The following GRIK1 variants were observed in gnomAD, a reference collection of about 807,000 sequenced individuals.
GRIK1 encodes glutamate receptor ionotropic, kainate 1.
Under a neutral mutation model 105.7 loss-of-function variants are expected in GRIK1, and 69 were observed. That is an observed-to-expected ratio of 0.65 (90% CI 0.54 to 0.80). GRIK1 has a LOEUF of 0.80. Among genes scored for constraint, GRIK1 ranks in the 30% least tolerant of loss-of-function variants. The probability of loss-of-function intolerance (pLI) is 0.00; values close to 1 mark genes in which losing one functional copy is unlikely to be tolerated. For synonymous variants in GRIK1, 438 were observed against 431.3 expected (o/e 1.02, Z -0.19); for missense variants, 1,109 against 1,167.3 (o/e 0.95, Z 0.73).
At chr21:29,774,613 G>A (rs1227587788) in intron 1 of GRIK1, among the ~76,000 whole-genome samples, 3 of 151,984 alleles carry the variant, frequency 2.0e-5, no homozygotes, top group Non-Finnish European at 4.4e-5. Flanking sequence ...TACCATGACT[G>A]GCTAATTTTT....
At chr21:29,680,496 A>G (rs2063350910) in intron 3 of GRIK1, among the ~76,000 whole-genome samples, 1 of 152,224 alleles carries the variant, frequency 6.6e-6, no homozygotes, top group African/African-American at 2.4e-5. Context: ...TGTAGAGTGT[A>G]CAGTGATTCT....
intron 1 of GRIK1, among the ~76,000 whole-genome samples, chr21:29,741,655 A>T (rs1252642559): frequency 6.6e-6 from 1 of 152,212 alleles, no homozygotes; most frequent in Non-Finnish European, 1.5e-5. Flanking sequence ...ATACATCTTG[A>T]TATATGAATT....
chr21:29,930,612 T>C lies in GRIK1; in HGVS notation c.118+8771A>G, dbSNP rs558732974. 9.2e-4 allele frequency among the ~76,000 whole-genome samples: 140 copies of C among 152,336 alleles called. 1 individual carries two copies. Among genetic ancestry groups the C allele is most frequent in the Non-Finnish European group, 1.5e-3 (103 of 68,024 alleles). On this transcript the variant is annotated intron_variant, in intron 1 of 17. Coordinates refer to ENST00000327783, the MANE Select transcript of GRIK1 (RefSeq NM_001330994.2). Reference sequence around the variant, plus strand: ...TCAGCACTTAAAGCATCTGACAGAATGTTACAATGCTTGCATCAATATTCA... The same window carrying C: ...TCAGCACTTAAAGCATCTGACAGAACGTTACAATGCTTGCATCAATATTCA...
At chr21:29,630,949 T>G (rs902102684) in intron 7 of GRIK1, among the ~76,000 whole-genome samples, 3 of 151,902 alleles carry the variant, frequency 2.0e-5, no homozygotes. Context: ...CATGCACTAC[T>G]ATGCCCAGCT....
chr21:29,921,002 T>C (rs1225069525), intron 1 of GRIK1, among the ~76,000 whole-genome samples: 2 of 152,114 alleles, frequency 1.3e-5, no homozygotes, highest in South Asian at 2.1e-4. Context: ...TAGGTTTGTG[T>C]TCATAATCTC....
chr21:29,706,895 C>T (rs751610034), intron 1 of GRIK1, among the ~76,000 whole-genome samples: 7 of 152,076 alleles, frequency 4.6e-5, no homozygotes, highest in Non-Finnish European at 8.8e-5. Context: ...GGCGGAGTCT[C>T]GCTCTGTTGC....
In GRIK1 at chr21:29,627,091, G is replaced by C. The variant is rs1422471964; in HGVS notation, c.1098+15735C>G. Among the ~76,000 whole-genome samples the C allele has an allele frequency of 2.0e-5, 3 of 152,298 alleles. No individual in the cohort carries two copies. In the East Asian group the frequency reaches 5.8e-4, roughly 29 times the overall value. On this transcript the variant is annotated intron_variant, in intron 7 of 17. Transcript: ENST00000327783. ...CTGTAGAGGACTACTTGTTACCTCTGTAGCATAGTTTATCAGGTTCTTGTA... is the reference window on the plus strand; with the variant it reads ...CTGTAGAGGACTACTTGTTACCTCTCTAGCATAGTTTATCAGGTTCTTGTA...
chr21:29,789,005 G>C (rs1374713532), intron 1 of GRIK1, among the ~76,000 whole-genome samples: 1 of 152,182 alleles, frequency 6.6e-6, no homozygotes, highest in East Asian at 1.9e-4. Context: ...CCATTGGTTG[G>C]GGACCTCTGT....
In GRIK1 at chr21:29,651,651, G is replaced by A. The variant is rs934005296; in HGVS notation, c.781-360C>T. ...TGTCTCAGTTATGAGGTAGAGTATC[G>A]TGGTATGGAAGTGCTTTGTTAAGTC... On this transcript the variant is annotated intron_variant, in intron 5 of 17. Coordinates refer to ENST00000327783, the MANE Select transcript of GRIK1 (RefSeq NM_001330994.2). 2.0e-5 allele frequency among the ~76,000 whole-genome samples: 3 copies of A among 152,154 alleles called. No individual in the cohort carries two copies. The South Asian group carries it at 6.3e-4, about 32-fold the overall frequency.
At chr21:29,815,489 T>A (rs2067131057) in intron 1 of GRIK1, among the ~76,000 whole-genome samples, 1 of 152,152 alleles carries the variant, frequency 6.6e-6, no homozygotes, top group African/African-American at 2.4e-5. Flanking sequence ...GGCAGGATAC[T>A]GGGAGTGGGG....
Position 29,736,834 on chromosome 21 carries a change from T to C in GRIK1, c.119-42771A>G, listed in dbSNP as rs148860553. Among the ~76,000 whole-genome samples the C allele has an allele frequency of 3.0e-3, 456 of 151,726 alleles. 1 individual carries two copies. The highest frequency in any genetic ancestry group is 0.01 in the African/African-American group (431 of 41,390). ...CTGGGATTACAGGCGCCCACCACCA[T>C]GGCTGACTGATTTTTGTATTTTTTA... On this transcript the variant is annotated intron_variant, in intron 1 of 17. Coordinates refer to ENST00000327783, the MANE Select transcript of GRIK1 (RefSeq NM_001330994.2).
intron 1 of GRIK1, among the ~76,000 whole-genome samples, chr21:29,836,105 G>T (rs745983014): frequency 1.3e-5 from 2 of 152,188 alleles, no homozygotes; most frequent in Non-Finnish European, 2.9e-5. Context: ...ATTTCAGTCG[G>T]TCAGTGCACT....
chr21:29,897,991 T>A (rs749037222), intron 1 of GRIK1, among the ~76,000 whole-genome samples: 33 of 152,170 alleles, frequency 2.2e-4, no homozygotes, highest in Non-Finnish European at 3.8e-4. Flanking sequence ...GGAAACATGA[T>A]CAGAAGGATT....
chr21:29,695,058 C>G (rs2063668579), intron 1 of GRIK1, among the ~76,000 whole-genome samples: 1 of 151,940 alleles, frequency 6.6e-6, no homozygotes, highest in South Asian at 2.1e-4. Context: ...GAAATATGTC[C>G]CTTCACTGAG....
intron 1 of GRIK1, among the ~76,000 whole-genome samples, chr21:29,882,155 G>A (rs1451584083): frequency 6.6e-6 from 1 of 152,072 alleles, no homozygotes; most frequent in African/African-American, 2.4e-5. Context: ...GGCATTTGTT[G>A]TCCGTTTAGG....
chr21:29,796,915 C>T (rs952654071), intron 1 of GRIK1, among the ~76,000 whole-genome samples: 1 of 151,960 alleles, frequency 6.6e-6, no homozygotes, highest in Non-Finnish European at 1.5e-5. Context: ...CACCACTGCC[C>T]TCCAGCCTGG....
chr21:29,848,081 C>G (rs917160356), intron 1 of GRIK1, among the ~76,000 whole-genome samples: 2 of 151,186 alleles, frequency 1.3e-5, no homozygotes, highest in African/African-American at 4.8e-5. Flanking sequence ...AAGTTTTTTT[C>G]TAACTTGATC....
intron 1 of GRIK1, among the ~76,000 whole-genome samples, chr21:29,892,445 T>A (rs1001422632): frequency 6.6e-6 from 1 of 152,204 alleles, no homozygotes; most frequent in African/African-American, 2.4e-5. Context: ...AAACCTATAA[T>A]TGGGAGCTTG....
chr21:29,769,659 C>T (rs1410305697), intron 1 of GRIK1, among the ~76,000 whole-genome samples: 3 of 152,078 alleles, frequency 2.0e-5, no homozygotes, highest in East Asian at 1.9e-4. Flanking sequence ...CTGTTGTGAG[C>T]GGTTCCTAAC....
Sources: allele counts gnomAD v4.1 joint callset (sites outside exome capture counted in the v4.1 genomes callset), GRCh38; gene constraint gnomAD v4.1.1; transcripts MANE v1.5; gene names NCBI Gene and HGNC (gene_info 2026-07-23, HGNC 2026-07-21).